The following IFNGR2 variants were observed in gnomAD, a reference collection of about 807,000 sequenced individuals.
IFNGR2 encodes IFN-gamma receptor 2.
In IFNGR2, 15 loss-of-function variants were observed where a neutral mutation model predicts 41.1. That is an observed-to-expected ratio of 0.37 (90% CI 0.24 to 0.56). The LOEUF is 0.56. Ranked by LOEUF, IFNGR2 falls within the 20% of genes least tolerant of loss-of-function variation. IFNGR2 has a pLI of 0.81. For synonymous variants in IFNGR2, 161 were observed against 171.6 expected, an observed-to-expected ratio of 0.94 and a Z score of 0.48; for missense variants, 362 against 415.7, an observed-to-expected ratio of 0.87 and a Z score of 1.12.
chr21:33,436,782 C>G (rs747875445), intron 6 of IFNGR2, 46 bp from the exon 7 acceptor site: 1 of 1,555,710 alleles, frequency 6.4e-7, no homozygotes, highest in Non-Finnish European at 8.9e-7. Flanking sequence ...GTCTGGTATA[C>G]TGAACTGGTA....
Position 33,406,043 on chromosome 21 carries a change from C to T in IFNGR2, c.73+2427C>T, listed in dbSNP as rs534726770. On this transcript the variant is annotated intron_variant, in intron 1 of 6. Coordinates refer to ENST00000290219, the MANE Select transcript of IFNGR2 (RefSeq NM_005534.4). ...AGACTCTATCTCAAAAAAACAAAAA[C>T]AAACAAATAAAAAAACTGGCTCCAT... 7.7e-4 allele frequency among the ~76,000 whole-genome samples: 112 copies of T among 146,150 alleles called. 1 individual carries two copies. In the South Asian group the frequency reaches 0.018, roughly 24 times the overall value.
upstream of IFNGR2, chr21:33,403,396 C>T: frequency 3.6e-6 from 1 of 279,042 alleles, no homozygotes; most frequent in Non-Finnish European, 5.7e-6. Flanking sequence ...GAATCCCCTC[C>T]ACCGGGACGC....
intron 1 of IFNGR2, among the ~76,000 whole-genome samples, chr21:33,414,404 CCAGA>C (rs2083739168): frequency 6.6e-6 from 1 of 152,218 alleles, no homozygotes; most frequent in Non-Finnish European, 1.5e-5. Context: ...CGGACATTTA[CCAGA>C]CACTTCCTTG....
intron 3 of IFNGR2, among the ~76,000 whole-genome samples, chr21:33,423,035 A>ATTTTTTTTTTTTTTTTTTTTTTTTTTTT (rs1402537450): frequency 8.5e-6 from 1 of 118,146 alleles, no homozygotes; most frequent in Admixed American, 8.4e-5. Flanking sequence ...TCTTCCCTCT[A>ATTTTTTTTTTTTTTTTTTTTTTTTTTTT]CTTTTTTTTT....
chr21:33,428,768 C>T (rs1485516396), intron 4 of IFNGR2, among the ~76,000 whole-genome samples: 11 of 152,230 alleles, frequency 7.2e-5, no homozygotes, highest in Non-Finnish European at 1.0e-4. Context: ...TCTGGCCACG[C>T]TTTTCTCCAC....
intron 2 of IFNGR2, among the ~76,000 whole-genome samples, chr21:33,419,965 G>A (rs970161054): frequency 3.3e-5 from 5 of 152,124 alleles, no homozygotes; most frequent in African/African-American, 9.7e-5. Flanking sequence ...CCTTGAAAAA[G>A]AAATCACTCA....
At chr21:33,414,665 C>T (rs1043791403) in intron 1 of IFNGR2, among the ~76,000 whole-genome samples, 18 of 152,172 alleles carry the variant, frequency 1.2e-4, no homozygotes, top group African/African-American at 3.6e-4. Flanking sequence ...CTGCCCCAGG[C>T]GCCTCTTTTC....
chr21:33,411,801 G>A (rs145483996), intron 1 of IFNGR2, among the ~76,000 whole-genome samples: 20 of 152,342 alleles, frequency 1.3e-4, no homozygotes, highest in East Asian at 1.2e-3. Flanking sequence ...CTGGAGGCTC[G>A]AGAAGGACCC....
chr21:33,416,270 A>C (rs1430210274), intron 2 of IFNGR2, among the ~76,000 whole-genome samples: 1 of 152,240 alleles, frequency 6.6e-6, no homozygotes, highest in Admixed American at 6.5e-5. Flanking sequence ...CATATCCATC[A>C]GTAGGAAAGT....
intron 2 of IFNGR2, among the ~76,000 whole-genome samples, chr21:33,417,661 C>T (rs116307720): frequency 7.9e-4 from 120 of 152,276 alleles, no homozygotes; most frequent in African/African-American, 2.8e-3. Flanking sequence ...AAATGAAGTG[C>T]CTTTCTGAGA....
At chr21:33,410,236 G>A (rs1457479037) in intron 1 of IFNGR2, among the ~76,000 whole-genome samples, 2 of 144,262 alleles carry the variant, frequency 1.4e-5, no homozygotes, top group Non-Finnish European at 1.5e-5. Flanking sequence ...GTGCAATCTC[G>A]GCTCACTGCA....
At position 33,432,200 on chromosome 21, in the gene IFNGR2, C is replaced by T; in HGVS notation, c.585C>T (p.Asn195=). The change falls in exon 5 of 7, where the codon AAC becomes AAT. Residue 195 remains asparagine (N), a synonymous_variant. Coordinates refer to ENST00000290219, the MANE Select transcript of IFNGR2 (RefSeq NM_005534.4). ...AGGTCAAAGGCCCTTTCAGAAGCAA[C>T]TCCATTTCATTGGATAACTTAAAAC... is the stretch of plus-strand genomic sequence containing the variant. ...IQQVKGPFRS[N]SISLDNLKPS... 6.2e-7 allele frequency: 1 copy of T among 1,614,150 alleles called. No homozygotes were observed. The highest frequency in any genetic ancestry group is 8.5e-7 in the Non-Finnish European group (1 of 1,179,982).
In IFNGR2 at chr21:33,415,726, G is replaced by A. The variant is rs550832355; in HGVS notation, c.206+706G>A. Among the ~76,000 whole-genome samples the A allele has an allele frequency of 3.9e-5, 6 of 152,314 alleles. No homozygotes were observed. In the East Asian group the frequency reaches 9.6e-4, roughly 24 times the overall value. On this transcript the variant is annotated intron_variant, in intron 2 of 6. Transcript: ENST00000290219. ...TGTGAGATGGGACTGGTTCATATGTGTTCACCTGATGCTGTTTGCAGAATC... is the reference window on the plus strand; with the variant it reads ...TGTGAGATGGGACTGGTTCATATGTATTCACCTGATGCTGTTTGCAGAATC...
chr21:33,418,302 C>T (rs1246123398), intron 2 of IFNGR2, among the ~76,000 whole-genome samples: 1 of 152,104 alleles, frequency 6.6e-6, no homozygotes, highest in Non-Finnish European at 1.5e-5. Context: ...GGTGATCCGC[C>T]CACCTAGCCT....
At chr21:33,405,103 G>GAAAAAAA (rs3057379) in intron 1 of IFNGR2, among the ~76,000 whole-genome samples, 5 of 119,824 alleles carry the variant, frequency 4.2e-5, no homozygotes, top group South Asian at 2.5e-4. Flanking sequence ...CTCTGTCTCA[G>GAAAAAAA]AAAAAAAAAA....
intron 2 of IFNGR2, among the ~76,000 whole-genome samples, chr21:33,420,967 T>C (rs1601079560): frequency 6.6e-6 from 1 of 151,930 alleles, no homozygotes; most frequent in Admixed American, 6.6e-5. Context: ...GAGGCCGAGG[T>C]GGGCGGATCA....
intron 1 of IFNGR2, among the ~76,000 whole-genome samples, chr21:33,411,744 T>C (rs1380219712): frequency 1.3e-5 from 2 of 152,084 alleles, no homozygotes; most frequent in African/African-American, 4.8e-5. Flanking sequence ...AGCCAAAGAA[T>C]GGGAGTGGCC....
chr21:33,403,390 C>T (rs971862261), upstream of IFNGR2: 56 of 250,002 alleles, frequency 2.2e-4, no homozygotes, highest in African/African-American at 1.2e-3. Flanking sequence ...CGAGCCGAAT[C>T]CCCTCCACCG....
At chr21:33,410,860 A>G (rs1169644590) in intron 1 of IFNGR2, 2 of 1,548,510 alleles carry the variant, frequency 1.3e-6, no homozygotes, top group Non-Finnish European at 1.7e-6. Flanking sequence ...GAGACCTACC[A>G]AGAATGGTGC....
Sources: allele counts gnomAD v4.1 joint callset (sites outside exome capture counted in the v4.1 genomes callset), GRCh38; gene constraint gnomAD v4.1.1; transcripts MANE v1.5; gene names NCBI Gene and HGNC (gene_info 2026-07-23, HGNC 2026-07-21).